The following ZNF461 variants were observed in gnomAD, a reference collection of about 807,000 sequenced individuals.
The protein encoded by ZNF461 is gonadotropin-inducible ovarian transcription factor-1.
A neutral mutation model predicts 18.3 loss-of-function variants in ZNF461; 16 were observed. That is an observed-to-expected ratio of 0.88 (90% CI 0.59 to 1.33). The LOEUF (loss-of-function observed/expected upper bound fraction) is 1.33, where lower values mean the gene tolerates loss of function less well. Ranked by LOEUF, ZNF461 falls within the 40% of genes most tolerant of loss-of-function variation. ZNF461 has a pLI of 0.00. For synonymous variants in ZNF461, 179 were observed against 216.9 expected (o/e 0.83, Z 1.54); for missense variants, 595 against 669.9 (o/e 0.89, Z 1.23).
chr19:36,640,921 A>C (rs565174349), intron 5 of ZNF461, among the ~76,000 whole-genome samples: 3 of 152,228 alleles, frequency 2.0e-5, no homozygotes, highest in African/African-American at 7.2e-5. Context: ...GCTCCTAGGC[A>C]TGAGAATATA....
chr19:36,661,439 A>G (rs547303170), intron 2 of ZNF461, among the ~76,000 whole-genome samples: 1 of 152,206 alleles, frequency 6.6e-6, no homozygotes, highest in Non-Finnish European at 1.5e-5. Context: ...AAAATTAAAT[A>G]CTAAAAAAAT....
intron 4 of ZNF461, among the ~76,000 whole-genome samples, chr19:36,655,739 T>C (rs900019807): frequency 6.6e-6 from 1 of 152,206 alleles, no homozygotes; most frequent in Non-Finnish European, 1.5e-5. Flanking sequence ...CAATAAATCA[T>C]TGCCAAATCC....
intron 2 of ZNF461, among the ~76,000 whole-genome samples, chr19:36,660,260 A>C (rs941759500): frequency 6.8e-6 from 1 of 147,002 alleles, no homozygotes; most frequent in Non-Finnish European, 1.5e-5. Context: ...AGTGATTCTC[A>C]TGCCTCAGCC....
chr19:36,655,996 CTTTTT>C (rs781044041), intron 4 of ZNF461, among the ~76,000 whole-genome samples: 3 of 130,486 alleles, frequency 2.3e-5, no homozygotes, highest in Admixed American at 8.0e-5. Flanking sequence ...TTTAGAATAT[CTTTTT>C]TTTTTTTTTT....
intron 5 of ZNF461, chr19:36,643,135 AAC>A (rs1195157341): frequency 1.3e-5 from 2 of 152,160 alleles, no homozygotes; most frequent in Non-Finnish European, 2.9e-5. Flanking sequence ...TATAAACACA[AAC>A]ACACACTTTT....
chr19:36,643,874 C>T lies in ZNF461; in HGVS notation c.233-12G>A. 1 of 1,473,066 alleles carries T rather than the reference C, an allele frequency of 6.8e-7. No homozygotes were observed. 91.2% of individuals were successfully genotyped at this position (1,473,066 alleles called of 1,614,324 possible). A position where few individuals can be genotyped will look rare whatever the true frequency, so the allele number is the denominator to read the frequency against. On this transcript the variant is annotated splice_polypyrimidine_tract_variant and intron_variant, in intron 4 of 5. Transcript: ENST00000588268. ...AGTTTTCCATGTACCTACATGGAAACAAAAGAATAAATACTTCATTTTAGA... is the reference window on the plus strand; with the variant it reads ...AGTTTTCCATGTACCTACATGGAAATAAAAGAATAAATACTTCATTTTAGA...
intron 4 of ZNF461, among the ~76,000 whole-genome samples, chr19:36,646,041 C>T (rs1325206018): frequency 2.0e-5 from 3 of 151,788 alleles, no homozygotes; most frequent in Non-Finnish European, 2.9e-5. Flanking sequence ...CCTCAGCCTC[C>T]CAAAGTGCTG....
rs555389760 is a variant in ZNF461 at position 36,639,516 on chromosome 19, C to T, written c.829G>A (p.Glu277Lys). 1.7e-5 allele frequency: 27 copies of T among 1,613,608 alleles called. No individual in the cohort carries two copies. In the East Asian group the frequency reaches 3.3e-4, roughly 20 times the overall value. Residue 277 changes from glutamate to lysine, a missense_variant, in exon 6 of 6, where the codon GAA (glutamate) becomes AAA (lysine). Glu to Lys is a moderately conservative substitution (Grantham distance 56, BLOSUM62 1). Transcript: ENST00000588268. ...CCATAATTAAAGGCCTTCCCACATT[C>T]GTTACATTCATAGCGTTTTTCACCA... ...HNGEKRYECN[E>K]CGKAFNYGSE...
chr19:36,659,925 GTC>G (rs2037788777), intron 2 of ZNF461, among the ~76,000 whole-genome samples: 2 of 152,240 alleles, frequency 1.3e-5, no homozygotes, highest in South Asian at 2.1e-4. Context: ...ACACAGCAAA[GTC>G]TCTCTGCTCA....
intron 4 of ZNF461, among the ~76,000 whole-genome samples, chr19:36,655,853 G>A (rs1368906040): frequency 6.6e-6 from 1 of 152,132 alleles, no homozygotes; most frequent in Admixed American, 6.5e-5. Flanking sequence ...TCTATATGGT[G>A]TAAGACAAGG....
In ZNF461 at chr19:36,638,795, C is replaced by T. The variant is rs1482300162; in HGVS notation, c.1550G>A (p.Arg517Lys). The change falls in exon 6 of 6, where the codon AGA becomes AAA. Residue 517 changes from arginine to lysine, a missense_variant. By Grantham distance (26) the Arg-to-Lys change is conservative (BLOSUM62 2). Transcript: ENST00000588268. ...ATAAGGTTTCTTTCCAGAATGAATT[C>T]TCTGATGGTGTGAGAAGCTTGAATG... ...SYHSSFSHHQ[R>K]IHSGKKPYQC... 4.3e-6 allele frequency: 7 copies of T among 1,614,008 alleles called. No homozygotes were observed. The highest frequency in any genetic ancestry group is 1.7e-5 in the Admixed American group (1 of 59,986).
chr19:36,642,443 GTC>G (rs1199625194), intron 5 of ZNF461, among the ~76,000 whole-genome samples: 1 of 152,092 alleles, frequency 6.6e-6, no homozygotes, highest in South Asian at 2.1e-4. Flanking sequence ...TCCTTATGTG[GTC>G]TCTCTACATG....
Position 36,639,057 on chromosome 19 carries a change from G to A in ZNF461, c.1288C>T (p.Leu430=). 1 of 1,613,250 alleles carries A rather than the reference G, an allele frequency of 6.2e-7. No homozygotes were observed. The highest frequency in any genetic ancestry group is 1.1e-5 in the South Asian group (1 of 91,026). Residue 430 remains leucine, a synonymous_variant, in exon 6 of 6, where the codon CTA becomes TTA. Transcript: ENST00000588268. ...TCACCAGTATGAATCCTCTGATGTA[G>A]GGTTAGTTGTAAGCCATCACAAAAA... is the stretch of plus-strand genomic sequence containing the variant. ...KAFCDGLQLT[L]HQRIHTGEKP...
intron 2 of ZNF461, 91 bp downstream of exon 2, chr19:36,664,607 G>T: frequency 3.3e-6 from 3 of 914,246 alleles, no homozygotes; most frequent in Non-Finnish European, 4.7e-6. Context: ...AAAAAAAAAA[G>T]CAAATAGTCA....
chr19:36,658,383 C>T lies in ZNF461; in HGVS notation c.52G>A (p.Glu18Lys), dbSNP rs2037761916. ...GCTGGGTTCAGGCATTCCCATTCCT[C>T]CTGAGAGACATCTATAGCCACATCT... Reference protein sequence around the residue: ...FRDVAIDVSQEEWECLNPAQR... With the variant: ...FRDVAIDVSQKEWECLNPAQR... The change falls in exon 3 of 6, where the codon GAG becomes AAG. Residue 18 changes from glutamate to lysine, a missense_variant. Transcript: ENST00000588268. 1 of 1,611,642 alleles carries T rather than the reference C, an allele frequency of 6.2e-7. No homozygotes were observed. Among genetic ancestry groups the T allele is most frequent in the African/African-American group, 1.3e-5 (1 of 74,998 alleles).
intron 4 of ZNF461, among the ~76,000 whole-genome samples, chr19:36,647,040 A>G (rs1465069194): frequency 2.6e-5 from 4 of 152,200 alleles, no homozygotes; most frequent in Non-Finnish European, 5.9e-5. Flanking sequence ...TTGCATTCTA[A>G]CACAATTTAT....
chr19:36,653,871 G>A (rs2145397601), intron 4 of ZNF461, among the ~76,000 whole-genome samples: 1 of 152,262 alleles, frequency 6.6e-6, no homozygotes, highest in African/African-American at 2.4e-5. Flanking sequence ...AGTCTTGTGA[G>A]GTATTGTTGA....
intron 4 of ZNF461, among the ~76,000 whole-genome samples, chr19:36,649,442 T>A (rs2037587659): frequency 6.6e-6 from 1 of 152,156 alleles, no homozygotes; most frequent in African/African-American, 2.4e-5. Flanking sequence ...GCAATTCTCC[T>A]GCCTCAGCTT....
intron 2 of ZNF461, among the ~76,000 whole-genome samples, chr19:36,661,057 C>T (rs1287853355): frequency 6.6e-6 from 1 of 152,040 alleles, no homozygotes; most frequent in Non-Finnish European, 1.5e-5. Flanking sequence ...GGCAGGATTG[C>T]TTAAGGCCAG....
Sources: allele counts gnomAD v4.1 joint callset (sites outside exome capture counted in the v4.1 genomes callset), GRCh38; gene constraint gnomAD v4.1.1; transcripts MANE v1.5; gene names NCBI Gene and HGNC (gene_info 2026-07-23, HGNC 2026-07-21).